Variants in RAP2A observed in about 807,000 individuals in gnomAD.
RAP2A encodes RAP2A, member of RAS oncogene family, also known as ras-related protein Rap-2a.
Under a neutral mutation model 15.1 loss-of-function variants are expected in RAP2A, and 5 were observed. The ratio of observed to expected loss-of-function variants is 0.33; its 90% CI spans 0.17 to 0.70. RAP2A has a LOEUF of 0.70. Ranked by LOEUF, RAP2A falls within the 30% of genes least tolerant of loss-of-function variation. The pLI, the probability that RAP2A is intolerant of heterozygous loss-of-function variation, is 0.68. For missense variants in RAP2A, 111 were observed against 240.3 expected (o/e 0.46, Z 3.56); for synonymous variants, 110 against 99.7 (o/e 1.10, Z -0.62).
intron 1 of RAP2A, among the ~76,000 whole-genome samples, chr13:97,459,383 C>A (rs994980687): frequency 6.6e-6 from 1 of 151,942 alleles, no homozygotes; most frequent in African/African-American, 2.4e-5. Context: ...CAAAGCACCT[C>A]ATCTTCCTAA....
At position 97,437,845 on chromosome 13, in the gene RAP2A, C is replaced by T. The variant is rs1304673648; in HGVS notation, c.314+3061C>T. ...TAGCCAAACAACGAATGGAGCTTTT[C>T]ATTTTTCATTTTCATTTCAAATAAT... On this transcript the variant is annotated intron_variant, in intron 1 of 1. Coordinates refer to ENST00000245304, the MANE Select transcript of RAP2A (RefSeq NM_021033.7). Among the ~76,000 whole-genome samples, 3 of 152,170 alleles carry T rather than the reference C, an allele frequency of 2.0e-5. No individual in the cohort carries two copies. In the East Asian group the frequency reaches 5.8e-4, roughly 29 times the overall value.
chr13:97,461,788 C>A (rs1338162326), intron 1 of RAP2A, among the ~76,000 whole-genome samples: 1 of 151,394 alleles, frequency 6.6e-6, no homozygotes, highest in Non-Finnish European at 1.5e-5. Flanking sequence ...ACGATGAAAC[C>A]CTGTCTCTAC....
intron 1 of RAP2A, 42 bp downstream of exon 1, chr13:97,434,826 G>A (rs1594320435): frequency 6.2e-7 from 1 of 1,604,282 alleles, no homozygotes; most frequent in Non-Finnish European, 8.5e-7. Context: ...GCACCCCGGA[G>A]TCACCGTCCC....
intron 1 of RAP2A, among the ~76,000 whole-genome samples, chr13:97,450,771 C>T (rs1309307097): frequency 6.6e-6 from 1 of 152,018 alleles, no homozygotes; most frequent in African/African-American, 2.4e-5. Flanking sequence ...TAACACATTA[C>T]TGGCACTTTA....
At chr13:97,435,014 A>G (rs926173536) in intron 1 of RAP2A, among the ~76,000 whole-genome samples, 4 of 152,208 alleles carry the variant, frequency 2.6e-5, no homozygotes, top group Non-Finnish European at 5.9e-5. Context: ...TGTCTCTTGG[A>G]CGTTGTTAGC....
At chr13:97,443,581 G>A (rs2066666814) in intron 1 of RAP2A, among the ~76,000 whole-genome samples, 1 of 152,054 alleles carries the variant, frequency 6.6e-6, no homozygotes, top group African/African-American at 2.4e-5. Flanking sequence ...TTCTAGAGAT[G>A]GGATCTTGTT....
At chr13:97,459,633 C>T (rs1183421340) in intron 1 of RAP2A, among the ~76,000 whole-genome samples, 1 of 152,236 alleles carries the variant, frequency 6.6e-6, no homozygotes, top group Non-Finnish European at 1.5e-5. Flanking sequence ...CCCCTAGAAC[C>T]TGCACGGTAG....
intron 1 of RAP2A, among the ~76,000 whole-genome samples, chr13:97,462,590 C>G (rs985770616): frequency 6.6e-6 from 1 of 152,138 alleles, no homozygotes; most frequent in African/African-American, 2.4e-5. Flanking sequence ...TCGTAAGGTA[C>G]AGTAGTGTAC....
rs975741284 is a variant in RAP2A, at chr13:97,449,296, G to C, written c.314+14512G>C. Among the ~76,000 whole-genome samples the C allele has an allele frequency of 2.6e-5, 4 of 152,168 alleles. 1 individual carries two copies. Among genetic ancestry groups the C allele is most frequent in the African/African-American group, 9.7e-5 (4 of 41,436 alleles). ...AGGTAATTATTACGGAAGTAGCATA[G>C]GATAGAGTAGAAGAGTGAGAAATTG... On this transcript the variant is annotated intron_variant, in intron 1 of 1. Transcript: ENST00000245304.
chr13:97,447,893 C>T (rs558386208), intron 1 of RAP2A, among the ~76,000 whole-genome samples: 1 of 152,118 alleles, frequency 6.6e-6, no homozygotes, highest in East Asian at 1.9e-4. Context: ...CCAGATGTAA[C>T]TTTAAAGGTA....
chr13:97,443,337 T>C (rs1298156959), intron 1 of RAP2A, among the ~76,000 whole-genome samples: 1 of 152,208 alleles, frequency 6.6e-6, no homozygotes, highest in Non-Finnish European at 1.5e-5. Context: ...ATTCAATGCA[T>C]ATTAGTATTT....
In RAP2A at chr13:97,467,849, A is replaced by C. The variant is rs1389571624; in HGVS notation, c.*3407A>C. On this transcript the variant is annotated 3_prime_UTR_variant, in exon 2 of 2. Transcript: ENST00000245304. ...TAATACAACTGACCATTTAAAATTGAACAAGTTTATTGTTTTGTAACAATG... is the reference window on the plus strand; with the variant it reads ...TAATACAACTGACCATTTAAAATTGCACAAGTTTATTGTTTTGTAACAATG... 2.6e-5 allele frequency: 4 copies of C among 152,640 alleles called. No homozygotes were observed. Among genetic ancestry groups the C allele is most frequent in the Non-Finnish European group, 5.9e-5 (4 of 68,040 alleles). The allele number at this position is 152,640 out of a possible 1,614,324, so 9.5% of individuals were successfully genotyped here.
intron 1 of RAP2A, among the ~76,000 whole-genome samples, chr13:97,462,395 A>G (rs563338455): frequency 9.9e-5 from 15 of 152,276 alleles, no homozygotes; most frequent in African/African-American, 2.9e-4. Context: ...TGTATAGCCA[A>G]TCAAGAGAGT....
chr13:97,460,754 C>T lies in RAP2A; in HGVS notation c.315-3451C>T, dbSNP rs562099359. Among the ~76,000 whole-genome samples, 9 of 152,276 alleles carry T rather than the reference C, an allele frequency of 5.9e-5. No homozygotes were observed. The East Asian group carries it at 1.2e-3, about 20-fold the overall frequency. ...TCCCACAGGGGCCAGTATATTCTCT[C>T]GAGTGCCCGCTGTTTGGGAATGCTT... On this transcript the variant is annotated intron_variant, in intron 1 of 1. Transcript: ENST00000245304.
intron 1 of RAP2A, among the ~76,000 whole-genome samples, chr13:97,451,843 G>C (rs1328026213): frequency 2.0e-5 from 3 of 151,178 alleles, no homozygotes; most frequent in African/African-American, 7.3e-5. Flanking sequence ...TAGGATTCTA[G>C]GAACCTCAGT....
rs1340839968 is a variant in RAP2A at position 97,468,181 on chromosome 13, AAG to A, written c.*3743_*3744del. ...GTCTTTAAAAATAAAAATAACATGT[AAG>A]AGACTGTAAAATCAGTTATTATAAA... On this transcript the variant is annotated 3_prime_UTR_variant, in exon 2 of 2. Transcript: ENST00000245304. The A allele has an allele frequency of 2.0e-5, 3 of 152,176 alleles. No individual in the cohort carries two copies. Among genetic ancestry groups the A allele is most frequent in the African/African-American group, 4.8e-5 (2 of 41,464 alleles). The allele number at this position is 152,176 out of a possible 1,614,324, so 9.4% of individuals were successfully genotyped here.
rs2066761535 is a variant in RAP2A, at chr13:97,464,474, G to T, written c.*32G>T. 2 of 1,601,108 alleles carry T rather than the reference G, an allele frequency of 1.2e-6. No individual in the cohort carries two copies. The highest frequency in any genetic ancestry group is 1.7e-6 in the Non-Finnish European group (2 of 1,168,610). ...AATATGGCTGTCCTGGATGGGATTT[G>T]CCCAATGTCGTAGGTGATAGAAAAC... On this transcript the variant is annotated 3_prime_UTR_variant, in exon 2 of 2. Coordinates refer to ENST00000245304, the MANE Select transcript of RAP2A (RefSeq NM_021033.7).
Position 97,467,575 on chromosome 13 carries a change from G to A in RAP2A, c.*3133G>A. On this transcript the variant is annotated 3_prime_UTR_variant, in exon 2 of 2. Coordinates refer to ENST00000245304, the MANE Select transcript of RAP2A (RefSeq NM_021033.7). Reference sequence around the variant, plus strand: ...TTGTTTGTTGCTGTTTTTTGTTTATGTGTGTGTTTTTAATTTTTTTGTTCT... The same window carrying A: ...TTGTTTGTTGCTGTTTTTTGTTTATATGTGTGTTTTTAATTTTTTTGTTCT... 6.6e-6 allele frequency: 1 copy of A among 152,140 alleles called. No homozygotes were observed. Among genetic ancestry groups the A allele is most frequent in the East Asian group, 1.9e-4 (1 of 5,202 alleles). The allele number at this position is 152,140 out of a possible 1,614,324, so 9.4% of individuals were successfully genotyped here.
intron 1 of RAP2A, among the ~76,000 whole-genome samples, chr13:97,462,415 A>G (rs1009822027): frequency 2.0e-5 from 3 of 152,072 alleles, no homozygotes; most frequent in Admixed American, 1.3e-4. Context: ...TTTATATGCA[A>G]AGTAGCAAAT....
Sources: gnomAD v4.1 joint callset for allele counts (sites outside exome capture counted in the v4.1 genomes callset) on GRCh38, gnomAD v4.1.1 for gene constraint, MANE v1.5 for transcripts, NCBI Gene and HGNC (gene_info 2026-07-23, HGNC 2026-07-21) for gene names.